Variants in PAK5 observed in about 807,000 individuals in gnomAD.
PAK5 encodes the protein p21 (RAC1) activated kinase 5.
Under a neutral mutation model 65.9 loss-of-function variants are expected in PAK5, and 16 were observed. The ratio of observed to expected loss-of-function variants is 0.24; its 90% confidence interval spans 0.16 to 0.37. The LOEUF (loss-of-function observed/expected upper bound fraction) is 0.37. Among genes scored for constraint, PAK5 ranks in the 10% least tolerant of loss-of-function variants. The probability of loss-of-function intolerance (pLI) is 1.00; values close to 1 mark genes in which losing one functional copy is unlikely to be tolerated. For missense variants in PAK5, 785 were observed against 903.9 expected (o/e 0.87, Z 1.69); for synonymous variants, 371 against 354.9 (o/e 1.05, Z -0.51).
intron 3 of PAK5, among the ~76,000 whole-genome samples, chr20:9,622,060 C>T (rs565953559): frequency 1.3e-5 from 2 of 152,296 alleles, no homozygotes; most frequent in African/African-American, 2.4e-5. Context: ...CTGCTTCTAG[C>T]AAGCCCAGCC....
intron 4 of PAK5, among the ~76,000 whole-genome samples, chr20:9,579,091 C>T (rs924323117): frequency 3.3e-5 from 5 of 152,102 alleles, no homozygotes; most frequent in Non-Finnish European, 5.9e-5. Flanking sequence ...GGAAAAATAT[C>T]GACTATCTAT....
At chr20:9,705,415 C>T (rs1366221643) in intron 2 of PAK5, among the ~76,000 whole-genome samples, 1 of 152,134 alleles carries the variant, frequency 6.6e-6, no homozygotes, top group African/African-American at 2.4e-5. Flanking sequence ...ATATCAAGAA[C>T]ACCAGGCATG....
intron 1 of PAK5, among the ~76,000 whole-genome samples, chr20:9,806,960 G>T (rs1469622364): frequency 6.6e-6 from 1 of 152,032 alleles, no homozygotes; most frequent in African/African-American, 2.4e-5. Context: ...GCCTTCTTCA[G>T]CCTCTACAGT....
chr20:9,688,086 G>A (rs765467171), intron 2 of PAK5, among the ~76,000 whole-genome samples: 55 of 152,062 alleles, frequency 3.6e-4, no homozygotes, highest in Non-Finnish European at 7.1e-4. Context: ...AGGTGAGAGA[G>A]AGGCCAGAGC....
chr20:9,775,522 T>C (rs2048878373), intron 1 of PAK5, among the ~76,000 whole-genome samples: 1 of 152,232 alleles, frequency 6.6e-6, no homozygotes, highest in Admixed American at 6.5e-5. Context: ...AAGTACTAAA[T>C]ATTATCACAG....
chr20:9,668,271 C>CAT lies in PAK5; in HGVS notation c.-11-23934_-11-23933dup, dbSNP rs533895720. On this transcript the variant is annotated intron_variant, in intron 2 of 9. Transcript: ENST00000353224. ...TAGAAACCTAAACATAAAGCATGTACATATCTATGTCTTTGTTTTTTCAGA... is the reference window on the plus strand; with the variant it reads ...TAGAAACCTAAACATAAAGCATGTACATATATCTATGTCTTTGTTTTTTCAGA... Among the ~76,000 whole-genome samples the CAT allele has an allele frequency of 1.7e-4, 26 of 152,168 alleles. No individual in the cohort carries two copies. The East Asian group carries it at 4.6e-3, about 27-fold the overall frequency.
chr20:9,582,308 C>G (rs2045993247), intron 3 of PAK5, among the ~76,000 whole-genome samples: 1 of 152,150 alleles, frequency 6.6e-6, no homozygotes, highest in Non-Finnish European at 1.5e-5. Flanking sequence ...GTGACAGTTT[C>G]TCAGATTTTC....
intron 3 of PAK5, among the ~76,000 whole-genome samples, chr20:9,622,167 T>C (rs2046778910): frequency 6.6e-6 from 1 of 151,382 alleles, no homozygotes; most frequent in Admixed American, 6.6e-5. Context: ...ATGTTAGATT[T>C]AAGAAAGCAA....
chr20:9,548,711 A>G (rs545168826), intron 7 of PAK5, among the ~76,000 whole-genome samples: 8 of 152,376 alleles, frequency 5.3e-5, no homozygotes, highest in Non-Finnish European at 1.2e-4. Flanking sequence ...ACCAGGTGAC[A>G]GAAGACACAT....
At chr20:9,637,133 C>T (rs999164623) in intron 3 of PAK5, among the ~76,000 whole-genome samples, 1 of 151,992 alleles carries the variant, frequency 6.6e-6, no homozygotes, top group Non-Finnish European at 1.5e-5. Context: ...CTAGAGTAGC[C>T]GGGATGACAG....
intron 1 of PAK5, among the ~76,000 whole-genome samples, chr20:9,757,759 T>C (rs1378314888): frequency 6.6e-6 from 1 of 152,216 alleles, no homozygotes; most frequent in Non-Finnish European, 1.5e-5. Context: ...ACATGTATAC[T>C]GATCTCCTTC....
At chr20:9,605,746 T>C (rs2123124549) in intron 3 of PAK5, among the ~76,000 whole-genome samples, 1 of 152,098 alleles carries the variant, frequency 6.6e-6, no homozygotes, top group East Asian at 1.9e-4. Context: ...CTGGTCAACA[T>C]GGTAAGACCC....
intron 1 of PAK5, among the ~76,000 whole-genome samples, chr20:9,826,771 A>G (rs927189506): frequency 1.3e-5 from 2 of 152,216 alleles, no homozygotes; most frequent in Admixed American, 1.3e-4. Flanking sequence ...GGGCAGAACC[A>G]TATAAAACCC....
intron 4 of PAK5, among the ~76,000 whole-genome samples, chr20:9,573,355 G>A (rs2045825536): frequency 2.0e-5 from 3 of 152,152 alleles, no homozygotes; most frequent in Admixed American, 1.3e-4. Context: ...GGCTTGTGAT[G>A]TATCAAAATT....
intron 2 of PAK5, among the ~76,000 whole-genome samples, chr20:9,668,051 C>T (rs1420374194): frequency 1.3e-5 from 2 of 151,920 alleles, no homozygotes; most frequent in East Asian, 3.9e-4. Context: ...TGACAGCTTC[C>T]ACTGAGAACA....
intron 2 of PAK5, among the ~76,000 whole-genome samples, chr20:9,676,819 T>C (rs6140996): frequency 0.23 from 35,314 of 152,078 alleles, 4,312 homozygotes; most frequent in East Asian, 0.36. Context: ...CCACTCTCAA[T>C]TGTGTTCACA....
intron 1 of PAK5, among the ~76,000 whole-genome samples, chr20:9,780,937 A>C (rs990261853): frequency 6.6e-6 from 1 of 152,168 alleles, no homozygotes; most frequent in Non-Finnish European, 1.5e-5. Context: ...TATTATGATG[A>C]TTATTTTTCC....
intron 3 of PAK5, among the ~76,000 whole-genome samples, chr20:9,643,397 T>C (rs1398516334): frequency 1.3e-5 from 2 of 152,222 alleles, no homozygotes; most frequent in Non-Finnish European, 2.9e-5. Flanking sequence ...CTGAAATCTT[T>C]TTGGGTCTGC....
intron 1 of PAK5, among the ~76,000 whole-genome samples, chr20:9,723,906 T>A (rs13433197): frequency 0.17 from 26,598 of 152,192 alleles, 2,699 homozygotes; most frequent in East Asian, 0.39. Context: ...AATAAATTTG[T>A]GGCTGCTTAT....
Sources: allele counts gnomAD v4.1 joint callset (sites outside exome capture counted in the v4.1 genomes callset), GRCh38; gene constraint gnomAD v4.1.1; transcripts MANE v1.5; gene names NCBI Gene and HGNC (gene_info 2026-07-23, HGNC 2026-07-21).